PSME3IP1: variants seen among roughly 807,000 people sequenced by gnomAD.
PSME3IP1 encodes the protein PSME3-interacting protein.
A neutral mutation model predicts 34.1 loss-of-function variants in PSME3IP1; 13 were observed. The observed-to-expected ratio is 0.38, with a 90% confidence interval of 0.25 to 0.61. PSME3IP1 has a LOEUF of 0.61. Among genes scored for constraint, PSME3IP1 ranks in the 20% least tolerant of loss-of-function variants. The pLI is 0.60. For missense variants in PSME3IP1, 237 were observed against 301.4 expected, an observed-to-expected ratio of 0.79 and a Z score of 1.58; for synonymous variants, 93 against 114.3, an observed-to-expected ratio of 0.81 and a Z score of 1.19.
At chr16:57,169,700 T>C (rs527395466) in intron 4 of PSME3IP1, among the ~76,000 whole-genome samples, 1 of 152,286 alleles carries the variant, frequency 6.6e-6, no homozygotes, top group East Asian at 1.9e-4. Flanking sequence ...AGATGCTACT[T>C]TGGGGGACAC....
chr16:57,174,619 C>T (rs1380405570), intron 1 of PSME3IP1: 3 of 985,320 alleles, frequency 3.0e-6, no homozygotes, highest in South Asian at 4.7e-5. Flanking sequence ...TCTTGATTCA[C>T]CTGCTCTTGC....
In PSME3IP1 at chr16:57,170,646, ATCAGAAGTGACCAAG is replaced by A. The variant is rs555368480; in HGVS notation, c.348+1590_348+1604del. 4.6e-5 allele frequency among the ~76,000 whole-genome samples: 7 copies of A among 152,352 alleles called. 1 individual carries two copies. The South Asian group carries it at 1.4e-3, about 32-fold the overall frequency. On this transcript the variant is annotated intron_variant, in intron 4 of 6. Coordinates refer to ENST00000309137, the MANE Select transcript of PSME3IP1 (RefSeq NM_024946.4). ...CTACTATATGCCAGGCACTGGAGAA[ATCAGAAGTGACCAAG>A]TCAGATAGTCTTTTTTCTTATGGAG...
At position 57,155,394 on chromosome 16, in the gene PSME3IP1, A is replaced by G. The variant is rs570295115; in HGVS notation, c.548-887T>C. Among the ~76,000 whole-genome samples the G allele has an allele frequency of 5.3e-5, 8 of 152,284 alleles. No homozygotes were observed. The South Asian group carries it at 1.7e-3, about 32-fold the overall frequency. On this transcript the variant is annotated intron_variant, in intron 6 of 6. Transcript: ENST00000309137. ...TCCTGGCACTTTGGGAGGCTGAGAT[A>G]GGAGGACCACTTGAGGTCAGGAGTT... is the stretch of plus-strand genomic sequence containing the variant.
chr16:57,164,100 C>T, intron 5 of PSME3IP1, 35 bp from the exon 6 acceptor site: 1 of 1,597,274 alleles, frequency 6.3e-7, no homozygotes, highest in Non-Finnish European at 8.6e-7. Context: ...GAGCCATGTC[C>T]AATCTTGTGG....
intron 6 of PSME3IP1, among the ~76,000 whole-genome samples, chr16:57,160,448 T>C (rs560362545): frequency 4.6e-5 from 7 of 152,388 alleles, no homozygotes; most frequent in African/African-American, 1.7e-4. Context: ...GGAGTATAAA[T>C]TGGGATAACT....
intron 1 of PSME3IP1, 198 bp from the exon 2 acceptor site, chr16:57,174,067 G>T: frequency 2.0e-6 from 1 of 500,734 alleles, no homozygotes; most frequent in Non-Finnish European, 3.5e-6. Context: ...AGGCCGAGGC[G>T]CATGGATCAC....
At chr16:57,173,373 T>C (rs2072826000) in intron 2 of PSME3IP1, among the ~76,000 whole-genome samples, 1 of 152,204 alleles carries the variant, frequency 6.6e-6, no homozygotes, top group African/African-American at 2.4e-5. Flanking sequence ...CTCACACCTG[T>C]AATCCCAGCA....
chr16:57,156,000 A>G (rs2070478517), intron 6 of PSME3IP1, among the ~76,000 whole-genome samples: 2 of 152,104 alleles, frequency 1.3e-5, no homozygotes, highest in Admixed American at 1.3e-4. Context: ...AACAAACAAA[A>G]CAAAGAAAGA....
intron 1 of PSME3IP1, among the ~76,000 whole-genome samples, chr16:57,176,381 T>C (rs971979253): frequency 2.0e-5 from 3 of 152,198 alleles, no homozygotes; most frequent in Non-Finnish European, 2.9e-5. Context: ...GCCCACCTAA[T>C]ATGATAATCC....
intron 6 of PSME3IP1, among the ~76,000 whole-genome samples, chr16:57,161,807 G>A (rs189136911): frequency 1.2e-4 from 19 of 152,060 alleles, no homozygotes; most frequent in Non-Finnish European, 2.4e-4. Context: ...CACCGCGCCC[G>A]GCCAAGATCA....
chr16:57,154,183 C>G lies in PSME3IP1; in HGVS notation c.*107G>C, dbSNP rs1281815514. On this transcript the variant is annotated 3_prime_UTR_variant, in exon 7 of 7. Transcript: ENST00000309137. The surrounding 1 kb of genome is among the most constrained non-coding windows in gnomAD (Gnocchi z 4.0). ...TTGGTTAAAAATGTCATGTTGTACA[C>G]AGGATGCAGGCAAAGGAGTTTTTTT... 2.3e-6 allele frequency: 2 copies of G among 851,724 alleles called. No individual in the cohort carries two copies. Among genetic ancestry groups the G allele is most frequent in the African/African-American group, 3.4e-5 (2 of 59,142 alleles). 52.8% of individuals were successfully genotyped at this position (851,724 alleles called of 1,614,324 possible).
At chr16:57,178,624 G>T (rs2073415202) in intron 1 of PSME3IP1, 2 of 985,062 alleles carry the variant, frequency 2.0e-6, no homozygotes, top group Admixed American at 6.1e-5. Flanking sequence ...AGTATTTGCT[G>T]AAGTGTCAGT....
chr16:57,177,790 C>T (rs2073331405), intron 1 of PSME3IP1, among the ~76,000 whole-genome samples: 1 of 152,010 alleles, frequency 6.6e-6, no homozygotes, highest in Non-Finnish European at 1.5e-5. Flanking sequence ...GGCAGGAGGA[C>T]CAGCCTGGGC....
intron 4 of PSME3IP1, 113 bp from the exon 5 acceptor site, chr16:57,167,339 C>T: frequency 8.5e-7 from 1 of 1,183,076 alleles, no homozygotes; most frequent in Admixed American, 1.9e-5. Flanking sequence ...ATAAATGCCC[C>T]ACCCTTCTTT....
intron 6 of PSME3IP1, among the ~76,000 whole-genome samples, chr16:57,162,723 A>C (rs1342235403): frequency 8.2e-6 from 1 of 122,128 alleles, no homozygotes; most frequent in Non-Finnish European, 1.9e-5. Flanking sequence ...CCTTACAAAG[A>C]AAAAAAAAAA....
At chr16:57,161,058 T>TTAGC (rs1361293872) in intron 6 of PSME3IP1, among the ~76,000 whole-genome samples, 83 of 152,360 alleles carry the variant, frequency 5.4e-4, no homozygotes, top group African/African-American at 1.9e-3. Context: ...AAAAGGTATA[T>TTAGC]TAGCCTACTG....
chr16:57,172,741 A>C (rs1486671547), intron 3 of PSME3IP1, 35 bp downstream of exon 3: 40 of 1,476,676 alleles, frequency 2.7e-5, no homozygotes, highest in Non-Finnish European at 3.3e-5. Flanking sequence ...AGTACCCCAC[A>C]GAGCCCCTTG....
chr16:57,172,393 G>A (rs1469178101), intron 3 of PSME3IP1, 21 bp from the exon 4 acceptor site: 1 of 1,611,266 alleles, frequency 6.2e-7, no homozygotes. Flanking sequence ...AATTAAACAA[G>A]GCACACTTAG....
chr16:57,175,962 C>T lies in PSME3IP1; in HGVS notation c.-15-2093G>A, dbSNP rs976190561. ...GTTTAGTTTAATGTAACAATAAGAG[C>T]GAATTGTGAAAATTACTAGAAAGAA... On this transcript the variant is annotated intron_variant, in intron 1 of 6. Coordinates refer to ENST00000309137, the MANE Select transcript of PSME3IP1 (RefSeq NM_024946.4). Among the ~76,000 whole-genome samples, 4 of 152,270 alleles carry T rather than the reference C, an allele frequency of 2.6e-5. No individual in the cohort carries two copies. In the East Asian group the frequency reaches 7.7e-4, roughly 29 times the overall value.
Sources: allele counts gnomAD v4.1 joint callset (sites outside exome capture counted in the v4.1 genomes callset), GRCh38; gene constraint gnomAD v4.1.1; non-coding constraint Gnocchi (gnomAD v3.1); transcripts MANE v1.5; gene names NCBI Gene and HGNC (gene_info 2026-07-23, HGNC 2026-07-21).